Variants in QSOX2 observed in about 807,000 individuals in gnomAD.
QSOX2 encodes sulfhydryl oxidase 2.
QSOX2 carries 46 observed loss-of-function variants against 61.7 expected under a neutral mutation model. The observed-to-expected ratio is 0.75, with a 90% CI of 0.59 to 0.95. The LOEUF (loss-of-function observed/expected upper bound fraction) is 0.95. QSOX2 is among the 40% of genes least tolerant of loss of function. The pLI, the probability that QSOX2 is intolerant of heterozygous loss-of-function variation, is 0.00. For missense variants in QSOX2, 879 were observed against 918.9 expected (o/e 0.96, Z 0.56); for synonymous variants, 383 against 388.4 (o/e 0.99, Z 0.16).
At chr9:136,245,027 TCA>T (rs1830459732) in intron 1 of QSOX2, among the ~76,000 whole-genome samples, 1 of 152,028 alleles carries the variant, frequency 6.6e-6, no homozygotes, top group South Asian at 2.1e-4. Flanking sequence ...TGAGGGATCC[TCA>T]GAGAACAGGA....
chr9:136,240,288 C>T (rs1261745365), intron 1 of QSOX2, among the ~76,000 whole-genome samples: 2 of 152,212 alleles, frequency 1.3e-5, no homozygotes, highest in Non-Finnish European at 2.9e-5. Flanking sequence ...ATGTGCTTGT[C>T]AAATAACTCT....
rs757462508 is a variant in QSOX2 at position 136,211,276 on chromosome 9, C to T, written c.1537G>A (p.Gly513Ser). The change falls in exon 11 of 12, where the codon GGC (glycine) becomes AGC (serine). Residue 513 changes from glycine to serine, a missense_variant. Gly to Ser is a moderately conservative substitution (Grantham distance 56, BLOSUM62 0). Coordinates refer to ENST00000358701, the MANE Select transcript of QSOX2 (RefSeq NM_181701.4). Reference sequence around the variant, plus strand: ...AGGGGCTTCTCACCTGCCAGGCGGCCGTTCACCATATTATGCTTCTTCCAC... The same window carrying T: ...AGGGGCTTCTCACCTGCCAGGCGGCTGTTCACCATATTATGCTTCTTCCAC... ...WLWKKHNMVN[G>S]RLAGHLSEDP... The T allele has an allele frequency of 1.1e-5, 18 of 1,613,852 alleles. No homozygotes were observed. The South Asian group carries it at 1.2e-4, about 11-fold the overall frequency.
intron 11 of QSOX2, chr9:136,210,468 G>C: frequency 2.0e-6 from 2 of 985,408 alleles, no homozygotes; most frequent in Non-Finnish European, 2.4e-6. Context: ...AGAGCCGAGG[G>C]CTCGGGGAAA....
At chr9:136,211,524 G>A in intron 10 of QSOX2, 72 bp from the exon 11 acceptor site, 1 of 1,515,144 alleles carries the variant, frequency 6.6e-7, no homozygotes, top group Non-Finnish European at 9.1e-7. Flanking sequence ...TGTCCAGAGA[G>A]CCTGGGGGGA....
chr9:136,209,213 C>A lies in QSOX2; in HGVS notation c.1612G>T (p.Ala538Ser), dbSNP rs772324137. 2 of 1,614,140 alleles carry A rather than the reference C, an allele frequency of 1.2e-6. No homozygotes were observed. The highest frequency in any genetic ancestry group is 2.2e-5 in the South Asian group (2 of 91,090). The change falls in exon 12 of 12, where the codon GCC becomes TCC. Residue 538 changes from alanine to serine, a missense_variant. By Grantham distance (99) the Ala-to-Ser change is moderately conservative. Coordinates refer to ENST00000358701, the MANE Select transcript of QSOX2 (RefSeq NM_181701.4). This position sits in a 1 kb window ranked among gnomAD's most constrained non-coding sequence, Gnocchi z 5.6. ...AGGCCCTTAATTTCCTCATGGCAGG[C>A]TGGGCAGAGGTCCGGAGTGGGCCAC... ...LQWPTPDLCP[A>S]CHEEIKGLAS...
chr9:136,224,956 A>G (rs1213540571), intron 2 of QSOX2, 47 bp from the exon 3 acceptor site: 1 of 1,452,598 alleles, frequency 6.9e-7, no homozygotes, highest in African/African-American at 1.4e-5. Flanking sequence ...TTCCATGGGC[A>G]TCTGCATGTG....
intron 8 of QSOX2, among the ~76,000 whole-genome samples, chr9:136,216,929 G>A (rs1343541638): frequency 2.6e-5 from 4 of 152,234 alleles, no homozygotes; most frequent in African/African-American, 7.2e-5. Context: ...CCTCTCCCCA[G>A]GACAGCCTGT....
At position 136,211,364 on chromosome 9, in the gene QSOX2, A is replaced by T. The variant is rs751996064; in HGVS notation, c.1449T>A (p.Phe483Leu). 3.7e-6 allele frequency: 6 copies of T among 1,614,194 alleles called. No individual in the cohort carries two copies. The South Asian group carries it at 6.6e-5, about 18-fold the overall frequency. The change falls in exon 11 of 12, where the codon TTT becomes TTA. Residue 483 changes from phenylalanine (F) to leucine (L), a missense_variant. By Grantham distance (22) the Phe-to-Leu change is conservative. Coordinates refer to ENST00000358701, the MANE Select transcript of QSOX2 (RefSeq NM_181701.4). ...FFGCKECGEH[F>L]EEMAKESMDS... ...CCATGGATTCTTTAGCCATTTCCTC[A>T]AAGTGCTCACCACATTCCTTACACC...
At chr9:136,238,560 G>A (rs886460879) in intron 1 of QSOX2, among the ~76,000 whole-genome samples, 2 of 152,158 alleles carry the variant, frequency 1.3e-5, no homozygotes, top group Non-Finnish European at 2.9e-5. Flanking sequence ...GAGCAAGCCC[G>A]GCGGGCAGCC....
chr9:136,219,146 G>A lies in QSOX2; in HGVS notation c.840C>T (p.Ala280=), dbSNP rs750605952. ...ATGACTTCAAATAAGACGAAAAGAA[G>A]GCCCGCAGAGGCTTCACGCTGTGAG... ...GLINVVKPLR[A]FFSSYLKSLP... Residue 280 remains alanine, a synonymous_variant, in exon 7 of 12, where the codon GCC becomes GCT. Coordinates refer to ENST00000358701, the MANE Select transcript of QSOX2 (RefSeq NM_181701.4). 2.5e-6 allele frequency: 4 copies of A among 1,613,756 alleles called. No individual in the cohort carries two copies. The South Asian group carries it at 4.4e-5, about 18-fold the overall frequency.
Position 136,223,184 on chromosome 9 carries a change from C to T in QSOX2, c.675+579G>A, listed in dbSNP as rs1478944840. On this transcript the variant is annotated intron_variant, in intron 5 of 11. Coordinates refer to ENST00000358701, the MANE Select transcript of QSOX2 (RefSeq NM_181701.4). This position sits in a 1 kb window ranked among gnomAD's most constrained non-coding sequence, Gnocchi z 4.4. ...GAGGAGGAGAAGCTCAGGGTGAGTG[C>T]TGGGCGAACGCATGTGCAGTGAGGC... is the stretch of plus-strand genomic sequence containing the variant. 6.6e-6 allele frequency among the ~76,000 whole-genome samples: 1 copy of T among 152,136 alleles called. No individual in the cohort carries two copies. Among genetic ancestry groups the T allele is most frequent in the Non-Finnish European group, 1.5e-5 (1 of 68,004 alleles).
chr9:136,242,924 T>C (rs1437292272), intron 1 of QSOX2, among the ~76,000 whole-genome samples: 1 of 152,226 alleles, frequency 6.6e-6, no homozygotes, highest in Admixed American at 6.5e-5. Context: ...CTGACTGAAT[T>C]GAACCCCCTC....
At position 136,221,086 on chromosome 9, in the gene QSOX2, A is replaced by C. The variant is rs2131056237; in HGVS notation, c.821+710T>G. Among the ~76,000 whole-genome samples, 3 of 150,836 alleles carry C rather than the reference A, an allele frequency of 2.0e-5. No individual in the cohort carries two copies. Among genetic ancestry groups the C allele is most frequent in the Admixed American group, 2.0e-4 (3 of 15,158 alleles). ...AAGGGCTTATCCTCATGAGGGGCAC[A>C]CAGGCACTCCACACAGAGGCAAAGG... On this transcript the variant is annotated intron_variant, in intron 6 of 11. Transcript: ENST00000358701. This position sits in a 1 kb window ranked among gnomAD's most constrained non-coding sequence, Gnocchi z 4.5.
chr9:136,207,951 G>C lies in QSOX2; in HGVS notation c.*777C>G, dbSNP rs574833273. 23 of 152,438 alleles carry C rather than the reference G, an allele frequency of 1.5e-4. No individual in the cohort carries two copies. The highest frequency in any genetic ancestry group is 5.5e-4 in the African/African-American group (23 of 41,538). 9.4% of individuals were successfully genotyped at this position (152,438 alleles called of 1,614,324 possible). A position where few individuals can be genotyped will look rare whatever the true frequency, so the allele number is the denominator to read the frequency against. On this transcript the variant is annotated 3_prime_UTR_variant, in exon 12 of 12. Coordinates refer to ENST00000358701, the MANE Select transcript of QSOX2 (RefSeq NM_181701.4). Reference sequence around the variant, plus strand: ...GACAGACAAAGGCGCTGCCTCTGAGGGTTAAATGAGCCCCCATCCTTCCAA... The same window carrying C: ...GACAGACAAAGGCGCTGCCTCTGAGCGTTAAATGAGCCCCCATCCTTCCAA...
At chr9:136,214,328 C>T (rs778946745) in intron 10 of QSOX2, among the ~76,000 whole-genome samples, 4 of 152,244 alleles carry the variant, frequency 2.6e-5, no homozygotes, top group Non-Finnish European at 4.4e-5. Flanking sequence ...ACAGATCACA[C>T]CACCTATACT....
At position 136,245,792 on chromosome 9, in the gene QSOX2, G is replaced by A. The variant is rs1554758486; in HGVS notation, c.12C>T (p.Ala4=). The A allele has an allele frequency of 4.3e-6, 5 of 1,152,700 alleles. No individual in the cohort carries two copies. The highest frequency in any genetic ancestry group is 5.4e-6 in the Non-Finnish European group (5 of 934,182). 71.4% of individuals were successfully genotyped at this position (1,152,700 alleles called of 1,614,324 possible). Residue 4 remains alanine, a synonymous_variant, in exon 1 of 12, where the codon GCC becomes GCT. Transcript: ENST00000358701. Reference sequence around the variant, plus strand: ...CCGGGCTGCGCGCCACCGCCGCCCCGGCCGCCGCCATGTTGGAAGTGCCGC... The same window carrying A: ...CCGGGCTGCGCGCCACCGCCGCCCCAGCCGCCGCCATGTTGGAAGTGCCGC... The part of the protein sequence containing the change: MAA[A]GAAVARSPGI...
chr9:136,235,967 G>A (rs1200942049), intron 1 of QSOX2, among the ~76,000 whole-genome samples: 1 of 152,212 alleles, frequency 6.6e-6, no homozygotes, highest in Non-Finnish European at 1.5e-5. Context: ...TCGTAAGGAT[G>A]ATGTATGGAA....
At chr9:136,229,605 C>T (rs904062719) in intron 1 of QSOX2, among the ~76,000 whole-genome samples, 5 of 152,162 alleles carry the variant, frequency 3.3e-5, no homozygotes, top group African/African-American at 1.2e-4. Flanking sequence ...AGAATCACGG[C>T]CGTGTGACAT....
chr9:136,229,675 T>A (rs1830312979), intron 1 of QSOX2, among the ~76,000 whole-genome samples: 1 of 152,158 alleles, frequency 6.6e-6, no homozygotes, highest in Non-Finnish European at 1.5e-5. Flanking sequence ...CGTTCCAAGA[T>A]GTTTGCCAGG....
Sources: gnomAD v4.1 joint callset for allele counts (sites outside exome capture counted in the v4.1 genomes callset) on GRCh38, gnomAD v4.1.1 for gene constraint, Gnocchi (gnomAD v3.1) non-coding constraint, MANE v1.5 for transcripts, NCBI Gene and HGNC (gene_info 2026-07-23, HGNC 2026-07-21) for gene names.